TESK2: variants seen among roughly 807,000 people sequenced by gnomAD.
TESK2 encodes the protein dual specificity testis-specific protein kinase 2.
TESK2 carries 39 observed loss-of-function variants against 57.1 expected under a neutral mutation model. The observed-to-expected ratio is 0.68, with a 90% CI of 0.53 to 0.89. TESK2 has a LOEUF of 0.89. Among genes scored for constraint, TESK2 ranks in the 40% least tolerant of loss-of-function variants. The pLI is 0.00. For missense variants in TESK2, 646 were observed against 732.1 expected (o/e 0.88, Z 1.36); for synonymous variants, 249 against 267.9 (o/e 0.93, Z 0.69).
intron 1 of TESK2, among the ~76,000 whole-genome samples, chr1:45,463,917 C>T (rs12738318): frequency 0.44 from 67,051 of 151,936 alleles, 15,931 homozygotes; most frequent in East Asian, 0.57. Context: ...CCAGTATTCT[C>T]GTGTTGTTTT....
At chr1:45,455,041 A>G (rs116540017) in intron 2 of TESK2, among the ~76,000 whole-genome samples, 2,761 of 152,282 alleles carry the variant, frequency 0.018, 35 homozygotes, top group Non-Finnish European at 0.026. Flanking sequence ...CTGGACAGAA[A>G]TATAGTTATA....
At chr1:45,405,898 G>C (rs1649827887) in intron 3 of TESK2, among the ~76,000 whole-genome samples, 1 of 150,978 alleles carries the variant, frequency 6.6e-6, no homozygotes, top group Non-Finnish European at 1.5e-5. Flanking sequence ...ATTTTTTCTT[G>C]GAGAAATAAG....
intron 4 of TESK2, among the ~76,000 whole-genome samples, chr1:45,376,054 C>T (rs1648408232): frequency 6.6e-6 from 1 of 151,952 alleles, no homozygotes; most frequent in African/African-American, 2.4e-5. Flanking sequence ...TTTTTTATTA[C>T]TAAATGAGCA....
chr1:45,385,373 G>A (rs1285912307), intron 4 of TESK2: 1 of 983,480 alleles, frequency 1.0e-6, no homozygotes, highest in Non-Finnish European at 1.2e-6. Flanking sequence ...GCAGAGGCTG[G>A]AAATGAAACG....
chr1:45,454,559 G>A (rs188637748), intron 2 of TESK2, among the ~76,000 whole-genome samples: 103 of 151,944 alleles, frequency 6.8e-4, no homozygotes, highest in Non-Finnish European at 9.4e-4. Context: ...GATTACAGGC[G>A]TCAACCACAA....
chr1:45,411,058 A>G (rs917874137), intron 3 of TESK2, among the ~76,000 whole-genome samples: 1 of 152,200 alleles, frequency 6.6e-6, no homozygotes, highest in African/African-American at 2.4e-5. Context: ...GGGAGGGGAG[A>G]GAATTCTGCT....
At chr1:45,372,240 C>A (rs1048472505) in intron 4 of TESK2, among the ~76,000 whole-genome samples, 2 of 148,444 alleles carry the variant, frequency 1.3e-5, no homozygotes, top group Non-Finnish European at 3.0e-5. Context: ...GGAGTGAGAC[C>A]CATCTTATTT....
chr1:45,487,563 T>C (rs1045782482), intron 1 of TESK2, among the ~76,000 whole-genome samples: 2 of 152,208 alleles, frequency 1.3e-5, no homozygotes, highest in Non-Finnish European at 2.9e-5. Flanking sequence ...CTTGAAATAA[T>C]GAACTCTGGG....
At chr1:45,461,286 G>A (rs1475726548) in intron 1 of TESK2, among the ~76,000 whole-genome samples, 1 of 152,018 alleles carries the variant, frequency 6.6e-6, no homozygotes, top group Non-Finnish European at 1.5e-5. Flanking sequence ...CCAAGAGGCA[G>A]AGATTGCAGT....
At chr1:45,429,050 T>C (rs972848812) in intron 2 of TESK2, among the ~76,000 whole-genome samples, 2 of 150,876 alleles carry the variant, frequency 1.3e-5, no homozygotes, top group African/African-American at 4.9e-5. Flanking sequence ...CTCGATCTCC[T>C]GACCTCGTGA....
chr1:45,487,156 G>T (rs1653519643), intron 1 of TESK2, among the ~76,000 whole-genome samples: 2 of 152,072 alleles, frequency 1.3e-5, no homozygotes, highest in African/African-American at 4.8e-5. Flanking sequence ...CAGAATCAAA[G>T]CCCATCATAT....
At chr1:45,476,431 C>T (rs1370580150) in intron 1 of TESK2, among the ~76,000 whole-genome samples, 1 of 147,062 alleles carries the variant, frequency 6.8e-6, no homozygotes, top group Non-Finnish European at 1.5e-5. Flanking sequence ...TCGCTTGAGC[C>T]CAGGAGCGGA....
intron 1 of TESK2, among the ~76,000 whole-genome samples, chr1:45,467,400 A>C (rs1200085470): frequency 2.0e-5 from 3 of 151,958 alleles, no homozygotes; most frequent in Admixed American, 6.6e-5. Flanking sequence ...ACTGGAGTAC[A>C]GTGGTGCGAT....
At chr1:45,377,813 G>A (rs1648495901) in intron 4 of TESK2, among the ~76,000 whole-genome samples, 1 of 150,806 alleles carries the variant, frequency 6.6e-6, no homozygotes, top group African/African-American at 2.4e-5. Flanking sequence ...GGATCACGAG[G>A]TCAGGAGTTT....
intron 3 of TESK2, among the ~76,000 whole-genome samples, chr1:45,392,676 G>A (rs1442564432): frequency 1.3e-5 from 2 of 151,942 alleles, no homozygotes; most frequent in Non-Finnish European, 2.9e-5. Flanking sequence ...ACTCCGGCCT[G>A]GGCAACAAGA....
chr1:45,355,511 C>G, intron 4 of TESK2, 62 bp from the exon 5 acceptor site: 1 of 1,547,850 alleles, frequency 6.5e-7, no homozygotes, highest in Non-Finnish European at 8.7e-7. Context: ...AGTGGTGAAA[C>G]CATTAGAGAG....
chr1:45,453,501 G>A (rs879597762), intron 2 of TESK2, among the ~76,000 whole-genome samples: 9 of 152,060 alleles, frequency 5.9e-5, no homozygotes, highest in Admixed American at 5.9e-4. Flanking sequence ...GCAAAAGAAT[G>A]AAATTGGACC....
At chr1:45,350,028 G>C (rs1199119470) in intron 5 of TESK2, among the ~76,000 whole-genome samples, 1 of 152,160 alleles carries the variant, frequency 6.6e-6, no homozygotes, top group Non-Finnish European at 1.5e-5. Context: ...TGTAATCCCA[G>C]CTACTCAGGA....
chr1:45,417,698 T>TCAG (rs1455019673), intron 3 of TESK2, among the ~76,000 whole-genome samples: 1 of 151,812 alleles, frequency 6.6e-6, no homozygotes, highest in Non-Finnish European at 1.5e-5. Flanking sequence ...TTCACGCCAT[T>TCAG]CTCCTGTCTC....
Sources: allele counts gnomAD v4.1 joint callset (sites outside exome capture counted in the v4.1 genomes callset), GRCh38; gene constraint gnomAD v4.1.1; transcripts MANE v1.5; gene names NCBI Gene and HGNC (gene_info 2026-07-23, HGNC 2026-07-21).